The following ANTXR1 variants were observed in gnomAD, a reference collection of about 807,000 sequenced individuals.
The protein encoded by ANTXR1 is ANTXR cell adhesion molecule 1.
ANTXR1 carries 19 observed loss-of-function variants against 78.1 expected under a neutral mutation model. The observed-to-expected ratio is 0.24, with a 90% CI of 0.17 to 0.36. The LOEUF (loss-of-function observed/expected upper bound fraction) is 0.36, where lower values mean the gene tolerates loss of function less well. ANTXR1 is among the 10% of genes least tolerant of loss of function. The pLI is 1.00. For synonymous variants in ANTXR1, 273 were observed against 260.5 expected, an observed-to-expected ratio of 1.05 and a Z score of -0.46; for missense variants, 518 against 718.6, an observed-to-expected ratio of 0.72 and a Z score of 3.19.
chr2:69,182,749 C>A (rs1483090866), intron 16 of ANTXR1, 89 bp downstream of exon 16: 5 of 1,566,700 alleles, frequency 3.2e-6, no homozygotes, highest in Non-Finnish European at 3.5e-6. Flanking sequence ...TGATAAAATC[C>A]CAACCTAAAA....
chr2:69,081,294 T>C (rs544317115), intron 8 of ANTXR1, among the ~76,000 whole-genome samples: 4 of 152,196 alleles, frequency 2.6e-5, no homozygotes, highest in African/African-American at 9.7e-5. Flanking sequence ...CATAAATGTC[T>C]GAGGAAATGG....
chr2:69,070,647 A>G lies in ANTXR1; in HGVS notation c.297A>G (p.Arg99=), dbSNP rs1670537591. The G allele has an allele frequency of 6.2e-7, 1 of 1,614,024 alleles. No individual in the cohort carries two copies. The highest frequency in any genetic ancestry group is 1.3e-5 in the African/African-American group (1 of 75,076). Residue 99 remains arginine, a splice_region_variant and synonymous_variant, in exon 4 of 18, where the codon AGA becomes AGG. Coordinates refer to ENST00000303714, the MANE Select transcript of ANTXR1 (RefSeq NM_032208.3). ...GTTLMKLTED[R]EQIRQGLEEL... is the part of the protein sequence containing the mutation. ...CTAACAGAGTGTCTTTGGATTTCAGAGAACAAATCCGTCAAGGCCTAGAAG... is the reference window on the plus strand; with the variant it reads ...CTAACAGAGTGTCTTTGGATTTCAGGGAACAAATCCGTCAAGGCCTAGAAG...
intron 16 of ANTXR1, chr2:69,183,028 A>G: frequency 3.8e-6 from 1 of 264,574 alleles, no homozygotes; most frequent in Non-Finnish European, 7.2e-6. Context: ...AAAAGCATGG[A>G]CTGTGAGTCA....
At chr2:69,127,491 G>C (rs1672577881) in intron 12 of ANTXR1, among the ~76,000 whole-genome samples, 1 of 152,138 alleles carries the variant, frequency 6.6e-6, no homozygotes, top group Admixed American at 6.5e-5. Flanking sequence ...CCTGGGGATA[G>C]GATGTGCAGG....
Position 69,123,008 on chromosome 2 carries a change from T to C in ANTXR1, c.803-9T>C. ...CCCTCTTCTTAATCCAGTGATTTCC[T>C]TTTTGCAGATGAGAAGCCCTTTTCT... On this transcript the variant is annotated splice_polypyrimidine_tract_variant and intron_variant, in intron 10 of 17. Transcript: ENST00000303714. The C allele has an allele frequency of 3.1e-6, 5 of 1,613,994 alleles. No homozygotes were observed. Among genetic ancestry groups the C allele is most frequent in the Non-Finnish European group, 4.2e-6 (5 of 1,179,796 alleles).
chr2:69,205,279 G>A (rs979792710), intron 17 of ANTXR1, among the ~76,000 whole-genome samples: 1 of 152,136 alleles, frequency 6.6e-6, no homozygotes, highest in Non-Finnish European at 1.5e-5. Context: ...TCTAGTTGGA[G>A]GAACAGCATG....
chr2:69,235,432 C>A (rs1021327102), intron 17 of ANTXR1, among the ~76,000 whole-genome samples: 1 of 151,948 alleles, frequency 6.6e-6, no homozygotes, highest in Admixed American at 6.6e-5. Context: ...GGTAGACCAT[C>A]TGAGCTCAGG....
chr2:69,109,214 A>T (rs942842759), intron 10 of ANTXR1, among the ~76,000 whole-genome samples: 1 of 152,196 alleles, frequency 6.6e-6, no homozygotes, highest in Admixed American at 6.5e-5. Flanking sequence ...CACAGTTAAG[A>T]GTCAGTCAGT....
intron 16 of ANTXR1, among the ~76,000 whole-genome samples, chr2:69,184,534 GACTA>G (rs1674373817): frequency 6.6e-6 from 1 of 152,208 alleles, no homozygotes; most frequent in Non-Finnish European, 1.5e-5. Flanking sequence ...TGTACCTTGT[GACTA>G]ACGCCACATC....
intron 12 of ANTXR1, chr2:69,145,397 C>G: frequency 6.3e-7 from 1 of 1,584,806 alleles, no homozygotes; most frequent in Non-Finnish European, 8.6e-7. Flanking sequence ...CGCCTGCTCC[C>G]TCCGGACAGC....
chr2:69,079,190 T>C (rs569877398), intron 8 of ANTXR1, among the ~76,000 whole-genome samples: 1 of 152,324 alleles, frequency 6.6e-6, no homozygotes, highest in East Asian at 1.9e-4. Context: ...CAGACCCAGT[T>C]GTCAGTCCAC....
intron 5 of ANTXR1, among the ~76,000 whole-genome samples, chr2:69,072,693 C>G (rs1468749460): frequency 6.6e-6 from 1 of 152,220 alleles, no homozygotes; most frequent in African/African-American, 2.4e-5. Context: ...GCTTGGGCAA[C>G]AGTTATGTGT....
intron 6 of ANTXR1, among the ~76,000 whole-genome samples, chr2:69,075,321 T>C (rs1415893678): frequency 6.6e-6 from 1 of 152,220 alleles, no homozygotes; most frequent in Non-Finnish European, 1.5e-5. Flanking sequence ...TAACTTAGTC[T>C]GCAGTTTTCC....
At chr2:69,216,671 A>T (rs2104505089) in intron 17 of ANTXR1, among the ~76,000 whole-genome samples, 1 of 152,244 alleles carries the variant, frequency 6.6e-6, no homozygotes, top group Admixed American at 6.5e-5. Context: ...ACTAGACCCT[A>T]CTGCTCCCTC....
intron 16 of ANTXR1, among the ~76,000 whole-genome samples, chr2:69,191,359 A>G (rs1467468360): frequency 1.3e-5 from 2 of 152,214 alleles, no homozygotes; most frequent in Non-Finnish European, 2.9e-5. Flanking sequence ...TCATTTCAGA[A>G]CATGAAATAT....
chr2:69,199,746 T>G (rs1258392549), intron 17 of ANTXR1, among the ~76,000 whole-genome samples: 1 of 152,138 alleles, frequency 6.6e-6, no homozygotes, highest in Non-Finnish European at 1.5e-5. Flanking sequence ...CCCAGGTGAT[T>G]CTAATGGGCA....
intron 14 of ANTXR1, chr2:69,172,294 G>A: frequency 7.7e-7 from 1 of 1,290,528 alleles, no homozygotes; most frequent in South Asian, 1.2e-5. Context: ...TTTGGCATGT[G>A]CTGATTGCCT....
rs73934763 is a variant in ANTXR1, at chr2:69,149,348, T to C, written c.952-2821T>C. ...TGGAGAAAAGCCAGCTATCACTTTA[T>C]CCAAAGCCAGGAAATCTCCCAGTAT... On this transcript the variant is annotated intron_variant, in intron 12 of 17. Transcript: ENST00000303714. 6.8e-3 allele frequency among the ~76,000 whole-genome samples: 1,033 copies of C among 152,116 alleles called. 19 individuals are homozygous for C. Among genetic ancestry groups the C allele is most frequent in the African/African-American group, 0.024 (984 of 41,400 alleles).
intron 12 of ANTXR1, chr2:69,145,774 G>C: frequency 9.9e-7 from 1 of 1,014,218 alleles, no homozygotes; most frequent in Middle Eastern, 5.0e-4. Context: ...GAAAGGAGCA[G>C]CAGTGTTTGA....
Sources: gnomAD v4.1 joint callset for allele counts (sites outside exome capture counted in the v4.1 genomes callset) on GRCh38, gnomAD v4.1.1 for gene constraint, MANE v1.5 for transcripts, NCBI Gene and HGNC (gene_info 2026-07-23, HGNC 2026-07-21) for gene names.